SYNPO2: variants seen among roughly 807,000 people sequenced by gnomAD.
The protein encoded by SYNPO2 is synaptopodin 2.
In SYNPO2, 56 loss-of-function variants were observed where a neutral mutation model predicts 85.0. That is an observed-to-expected ratio of 0.66 (90% CI 0.53 to 0.82). The LOEUF (loss-of-function observed/expected upper bound fraction) is 0.82. Among genes scored for constraint, SYNPO2 ranks in the 40% least tolerant of loss-of-function variants. The probability of loss-of-function intolerance (pLI) is 0.00; values close to 1 mark genes in which losing one functional copy is unlikely to be tolerated. For synonymous variants in SYNPO2, 602 were observed against 591.1 expected (o/e 1.02, Z -0.27); for missense variants, 1,575 against 1,534.2 (o/e 1.03, Z -0.44).
At chr4:118,929,006 G>T (rs1423424488) in intron 1 of SYNPO2, among the ~76,000 whole-genome samples, 1 of 152,060 alleles carries the variant, frequency 6.6e-6, no homozygotes, top group Non-Finnish European at 1.5e-5. Context: ...CTGTGAGGAA[G>T]GAACTGTGTC....
intron 1 of SYNPO2, among the ~76,000 whole-genome samples, chr4:118,900,621 A>G (rs79300269): frequency 1.4e-5 from 2 of 146,796 alleles, no homozygotes; most frequent in Non-Finnish European, 3.0e-5. Context: ...CACTGAATGA[A>G]TTTGATTTAA....
At chr4:119,056,209 A>G (rs1054000507) in intron 4 of SYNPO2, among the ~76,000 whole-genome samples, 1 of 152,162 alleles carries the variant, frequency 6.6e-6, no homozygotes, top group Non-Finnish European at 1.5e-5. Flanking sequence ...CATTCCTAGA[A>G]ATGCAGAGGA....
chr4:118,911,537 G>T (rs1425248453), intron 1 of SYNPO2, among the ~76,000 whole-genome samples: 1 of 152,002 alleles, frequency 6.6e-6, no homozygotes, highest in Non-Finnish European at 1.5e-5. Flanking sequence ...TCTTTCTTTT[G>T]TTGTTTTATT....
At chr4:118,986,256 C>A (rs930995619) in intron 1 of SYNPO2, among the ~76,000 whole-genome samples, 8 of 152,188 alleles carry the variant, frequency 5.3e-5, no homozygotes, top group African/African-American at 1.7e-4. Context: ...ATTTTCTATA[C>A]TTACATTTTC....
intron 4 of SYNPO2, 105 bp from the exon 5 acceptor site, chr4:119,057,296 T>C: frequency 8.6e-7 from 1 of 1,168,608 alleles, no homozygotes; most frequent in Non-Finnish European, 1.1e-6. Flanking sequence ...TTTATTTTTA[T>C]TTTTTATTTT....
rs201894708 is a variant in SYNPO2, at chr4:119,030,945, G to A, written c.2170G>A (p.Gly724Arg). 117 of 1,614,060 alleles carry A rather than the reference G, an allele frequency of 7.2e-5. No homozygotes were observed. Among genetic ancestry groups the A allele is most frequent in the Non-Finnish European group, 9.7e-5 (114 of 1,180,034 alleles). The change falls in exon 4 of 5, where the codon GGA becomes AGA. Residue 724 changes from glycine (G) to arginine (R), a missense_variant. Physicochemically the swap from Gly to Arg is moderately radical, Grantham distance 125. Coordinates refer to ENST00000307142, the MANE Select transcript of SYNPO2 (RefSeq NM_133477.3). ...AAATTCAGAAGGCAAACGGGGCACT[G>A]GAGCTGGAGGTGATTCCGGACCGGA... ...LQNSEGKRGT[G>R]AGGDSGPEED...
At chr4:118,894,538 G>A (rs551286102) in intron 1 of SYNPO2, among the ~76,000 whole-genome samples, 2 of 151,126 alleles carry the variant, frequency 1.3e-5, no homozygotes, top group African/African-American at 2.4e-5. Context: ...GTGGGTGGAC[G>A]TGTTGGGGGA....
At chr4:119,040,401 T>C (rs1738669836) in intron 4 of SYNPO2, among the ~76,000 whole-genome samples, 1 of 152,246 alleles carries the variant, frequency 6.6e-6, no homozygotes, top group African/African-American at 2.4e-5. Context: ...TTCTTCTTAC[T>C]GAAGTTTATA....
chr4:118,968,679 G>A (rs781410653), intron 1 of SYNPO2, among the ~76,000 whole-genome samples: 22 of 152,182 alleles, frequency 1.4e-4, no homozygotes, highest in Non-Finnish European at 7.3e-5. Flanking sequence ...CCCTGGTGGA[G>A]GAGTGATGGG....
At chr4:118,998,167 T>C (rs947118243) in intron 1 of SYNPO2, among the ~76,000 whole-genome samples, 6 of 152,226 alleles carry the variant, frequency 3.9e-5, no homozygotes, top group African/African-American at 9.6e-5. Flanking sequence ...CCTTGAATTA[T>C]GTAAATATAT....
chr4:118,945,682 T>G (rs1031682448), intron 1 of SYNPO2, among the ~76,000 whole-genome samples: 17 of 152,188 alleles, frequency 1.1e-4, no homozygotes, highest in African/African-American at 4.1e-4. Flanking sequence ...GCCAACAATT[T>G]GTTCCTCAAA....
At chr4:118,992,534 T>C (rs1382774135) in intron 1 of SYNPO2, among the ~76,000 whole-genome samples, 2 of 152,154 alleles carry the variant, frequency 1.3e-5, no homozygotes, top group African/African-American at 4.8e-5. Context: ...AAAGTGAAAG[T>C]GACAATGCCT....
At chr4:119,037,184 A>G (rs1163888923) in intron 4 of SYNPO2, 2 of 1,545,176 alleles carry the variant, frequency 1.3e-6, no homozygotes, top group East Asian at 2.5e-5. Context: ...TTCTTCCTCT[A>G]CCTGATAATG....
chr4:118,967,474 C>G (rs1735358034), intron 1 of SYNPO2, among the ~76,000 whole-genome samples: 1 of 152,212 alleles, frequency 6.6e-6, no homozygotes, highest in Non-Finnish European at 1.5e-5. Context: ...TGCTCAGAGC[C>G]TAATCCTTGC....
chr4:118,919,405 A>C (rs575660909), intron 1 of SYNPO2, among the ~76,000 whole-genome samples: 13 of 92,870 alleles, frequency 1.4e-4, no homozygotes, highest in African/African-American at 3.8e-4. Context: ...GAAGTAATTG[A>C]CTGAAAAAAT....
chr4:118,911,600 A>G (rs1733139946), intron 1 of SYNPO2, among the ~76,000 whole-genome samples: 1 of 152,132 alleles, frequency 6.6e-6, no homozygotes, highest in Non-Finnish European at 1.5e-5. Context: ...TAGCATTAAA[A>G]ACTCTATAGT....
At chr4:119,039,573 G>A (rs993156593) in intron 4 of SYNPO2, among the ~76,000 whole-genome samples, 10 of 152,272 alleles carry the variant, frequency 6.6e-5, no homozygotes, top group East Asian at 5.8e-4. Flanking sequence ...TAATGGCGAA[G>A]GGAAGCTCAA....
intron 4 of SYNPO2, among the ~76,000 whole-genome samples, chr4:119,053,319 A>G (rs778764436): frequency 1.3e-5 from 2 of 152,218 alleles, no homozygotes; most frequent in Non-Finnish European, 2.9e-5. Context: ...AACAGAAACT[A>G]CATTGTACCT....
At chr4:118,932,563 C>A (rs1033646009) in intron 1 of SYNPO2, among the ~76,000 whole-genome samples, 1 of 152,048 alleles carries the variant, frequency 6.6e-6, no homozygotes. Flanking sequence ...TGTAGATAAT[C>A]GATTTTTTTA....
Sources: allele counts gnomAD v4.1 joint callset (sites outside exome capture counted in the v4.1 genomes callset), GRCh38; gene constraint gnomAD v4.1.1; transcripts MANE v1.5; gene names NCBI Gene and HGNC (gene_info 2026-07-23, HGNC 2026-07-21).